The following NMNAT2 variants were observed in gnomAD, a reference collection of about 807,000 sequenced individuals.
NMNAT2 encodes nicotinamide/nicotinic acid mononucleotide adenylyltransferase 2.
NMNAT2 carries 11 observed loss-of-function variants against 41.6 expected under a neutral mutation model. That is an observed-to-expected ratio of 0.26 (90% confidence interval 0.17 to 0.44). The LOEUF (loss-of-function observed/expected upper bound fraction) is 0.44, where lower values mean the gene tolerates loss of function less well. NMNAT2 is among the 20% of genes least tolerant of loss of function. NMNAT2 has a pLI of 1.00. For synonymous variants in NMNAT2, 148 were observed against 151.2 expected, an observed-to-expected ratio of 0.98 and a Z score of 0.16; for missense variants, 288 against 407.7, an observed-to-expected ratio of 0.71 and a Z score of 2.53.
At chr1:183,417,507 C>T (rs1052154732) in intron 1 of NMNAT2, among the ~76,000 whole-genome samples, 2 of 152,158 alleles carry the variant, frequency 1.3e-5, no homozygotes, top group African/African-American at 4.8e-5. Context: ...CCGCCCGGCC[C>T]CCTCCCCGTC....
chr1:183,251,165 C>T lies in NMNAT2; in HGVS notation c.*1476G>A, dbSNP rs1001554483. 1.3e-5 allele frequency: 2 copies of T among 152,172 alleles called. No homozygotes were observed. The highest frequency in any genetic ancestry group is 2.9e-5 in the Non-Finnish European group (2 of 68,058). 9.4% of individuals were successfully genotyped at this position (152,172 alleles called of 1,614,324 possible). ...AAAAAGGAGTGAAGCAACTTAGTGG[C>T]TCCTGACCCCTCCCAGATCTCCCTT... On this transcript the variant is annotated 3_prime_UTR_variant, in exon 11 of 11. Coordinates refer to ENST00000287713, the MANE Select transcript of NMNAT2 (RefSeq NM_015039.4).
chr1:183,330,299 A>G (rs781586489), intron 1 of NMNAT2, among the ~76,000 whole-genome samples: 5 of 152,250 alleles, frequency 3.3e-5, no homozygotes, highest in Non-Finnish European at 5.9e-5. Context: ...CATTTGGTAA[A>G]TAAAATCAAG....
chr1:183,328,441 T>C (rs1263104173), intron 1 of NMNAT2, among the ~76,000 whole-genome samples: 5 of 152,226 alleles, frequency 3.3e-5, no homozygotes, highest in Non-Finnish European at 7.3e-5. Flanking sequence ...TCTGCCTCCC[T>C]ACCATTCCTC....
At chr1:183,330,796 C>A (rs914450884) in intron 1 of NMNAT2, among the ~76,000 whole-genome samples, 10 of 152,170 alleles carry the variant, frequency 6.6e-5, no homozygotes, top group African/African-American at 2.2e-4. Context: ...GAGGTGAATT[C>A]TATTCCAATT....
At chr1:183,255,894 C>A (rs1038265010) in intron 10 of NMNAT2, among the ~76,000 whole-genome samples, 3 of 151,746 alleles carry the variant, frequency 2.0e-5, no homozygotes, top group African/African-American at 7.3e-5. Flanking sequence ...TAACTCCTAA[C>A]CTCAAGTGAT....
At chr1:183,260,175 G>T (rs968445741) in intron 10 of NMNAT2, among the ~76,000 whole-genome samples, 3 of 152,134 alleles carry the variant, frequency 2.0e-5, no homozygotes, top group African/African-American at 7.2e-5. Flanking sequence ...AAGGGAAGTG[G>T]TATGCGCAAC....
intron 1 of NMNAT2, among the ~76,000 whole-genome samples, chr1:183,304,303 T>A (rs1007607639): frequency 2.0e-5 from 3 of 152,110 alleles, no homozygotes; most frequent in African/African-American, 7.2e-5. Context: ...AAGATGTAAG[T>A]AGAAGAAGGT....
chr1:183,255,827 C>A (rs933396596), intron 10 of NMNAT2, among the ~76,000 whole-genome samples: 14 of 151,994 alleles, frequency 9.2e-5, no homozygotes, highest in Admixed American at 1.3e-4. Flanking sequence ...CAATGCCCAG[C>A]TAATTTTTGT....
At chr1:183,409,064 A>G (rs1649043167) in intron 1 of NMNAT2, among the ~76,000 whole-genome samples, 1 of 152,146 alleles carries the variant, frequency 6.6e-6, no homozygotes, top group Non-Finnish European at 1.5e-5. Context: ...ATGTTGAAGA[A>G]TAAAGCATTG....
intron 1 of NMNAT2, among the ~76,000 whole-genome samples, chr1:183,386,919 T>G (rs1648265530): frequency 6.6e-6 from 1 of 152,014 alleles, no homozygotes; most frequent in Non-Finnish European, 1.5e-5. Flanking sequence ...ATCAAACAAC[T>G]TAGTTAAATG....
chr1:183,316,409 G>C (rs868168871), intron 1 of NMNAT2, among the ~76,000 whole-genome samples: 1 of 152,176 alleles, frequency 6.6e-6, no homozygotes. Flanking sequence ...AGGCCCTCCA[G>C]CTTGAAAAGA....
chr1:183,417,897 C>T (rs1313832341), intron 1 of NMNAT2, among the ~76,000 whole-genome samples: 1 of 152,120 alleles, frequency 6.6e-6, no homozygotes, highest in Non-Finnish European at 1.5e-5. Context: ...TCTGGTATCT[C>T]GAACCCCTGC....
chr1:183,374,905 C>T (rs1296431194), intron 1 of NMNAT2, among the ~76,000 whole-genome samples: 2 of 152,190 alleles, frequency 1.3e-5, no homozygotes, highest in Non-Finnish European at 2.9e-5. Flanking sequence ...CTTTAGTCCC[C>T]TCCCTAGGAA....
intron 3 of NMNAT2, 40 bp downstream of exon 3, chr1:183,292,750 C>G: frequency 6.3e-7 from 1 of 1,588,760 alleles, no homozygotes; most frequent in Non-Finnish European, 8.6e-7. Flanking sequence ...CCCAGTAAGT[C>G]TCCGGGCCAC....
At chr1:183,263,294 T>C (rs762367641) in intron 8 of NMNAT2, among the ~76,000 whole-genome samples, 7 of 152,214 alleles carry the variant, frequency 4.6e-5, no homozygotes, top group Admixed American at 1.3e-4. Context: ...ACTGCATCTA[T>C]TGGTGGTGTT....
intron 1 of NMNAT2, among the ~76,000 whole-genome samples, chr1:183,402,580 C>T (rs951664856): frequency 1.1e-4 from 17 of 152,158 alleles, no homozygotes; most frequent in Admixed American, 5.2e-4. Flanking sequence ...TAGATTCTGA[C>T]CCATTTGATT....
intron 8 of NMNAT2, among the ~76,000 whole-genome samples, chr1:183,264,681 T>C (rs1660758536): frequency 6.6e-6 from 1 of 152,160 alleles, no homozygotes; most frequent in Non-Finnish European, 1.5e-5. Context: ...TATTTGCGTG[T>C]GTGCATGTGT....
Position 183,261,234 on chromosome 1 carries a change from T to C in NMNAT2, c.721A>G (p.Met241Val). 6.2e-7 allele frequency: 1 copy of C among 1,614,222 alleles called. No homozygotes were observed. ...PRDAADTDRIMNHSSILRKYK... is the reference protein window; with the variant it reads ...PRDAADTDRIVNHSSILRKYK... ...TTGCGGAGTATTGAGGAGTGATTCA[T>C]GATTCGGTCTGTGTCGGCTGCATCC... Residue 241 changes from methionine (M) to valine (V), a missense_variant, in exon 9 of 11, where the codon ATG becomes GTG. Physicochemically the swap from Met to Val is conservative, Grantham distance 21. This residue lies in a region of NMNAT2 where 181 missense variants were observed against 213.7 expected (regional missense o/e 0.85). Transcript: ENST00000287713.
At chr1:183,320,749 C>G (rs980896846) in intron 1 of NMNAT2, among the ~76,000 whole-genome samples, 1 of 152,220 alleles carries the variant, frequency 6.6e-6, no homozygotes, top group East Asian at 1.9e-4. Flanking sequence ...CTAAAGTCAT[C>G]TGTCCTAACC....
Sources: allele counts gnomAD v4.1 joint callset (sites outside exome capture counted in the v4.1 genomes callset), GRCh38; gene constraint gnomAD v4.1.1; regional missense constraint gnomAD v4.1.1; transcripts MANE v1.5; gene names NCBI Gene and HGNC (gene_info 2026-07-23, HGNC 2026-07-21).